Variants in SPAG16 observed in about 807,000 individuals in gnomAD.
SPAG16 encodes sperm associated antigen 16.
In SPAG16, 86 loss-of-function variants were observed where a neutral mutation model predicts 80.4. The observed-to-expected ratio is 1.07, with a 90% confidence interval of 0.90 to 1.28. SPAG16 has a LOEUF of 1.28. SPAG16 is among the 50% of genes most tolerant of loss of function. SPAG16 has a pLI of 0.00. For synonymous variants in SPAG16, 294 were observed against 265.9 expected, an observed-to-expected ratio of 1.11 and a Z score of -1.03; for missense variants, 870 against 765.3, an observed-to-expected ratio of 1.14 and a Z score of -1.61.
chr2:214,372,166 C>A (rs1312501703), intron 15 of SPAG16, among the ~76,000 whole-genome samples: 2 of 152,070 alleles, frequency 1.3e-5, no homozygotes, highest in Non-Finnish European at 2.9e-5. Context: ...ATTCTTTACA[C>A]AGGAGATTTG....
intron 15 of SPAG16, among the ~76,000 whole-genome samples, chr2:214,409,551 A>G (rs1249857107): frequency 6.6e-6 from 1 of 152,160 alleles, no homozygotes; most frequent in Non-Finnish European, 1.5e-5. Flanking sequence ...TCAAAATTTG[A>G]ATTCTAAGCT....
intron 10 of SPAG16, among the ~76,000 whole-genome samples, chr2:213,588,552 C>G (rs1406759804): frequency 4.0e-5 from 6 of 151,314 alleles, no homozygotes; most frequent in Non-Finnish European, 7.4e-5. Context: ...CCTGTAATCC[C>G]AGCACTTTGG....
intron 15 of SPAG16, among the ~76,000 whole-genome samples, chr2:214,253,264 T>G (rs565163201): frequency 6.6e-6 from 1 of 152,212 alleles, no homozygotes; most frequent in African/African-American, 2.4e-5. Context: ...GCCTGTTCAC[T>G]CCTATGATAG....
intron 10 of SPAG16, among the ~76,000 whole-genome samples, chr2:213,734,841 C>A (rs2067211390): frequency 6.6e-6 from 1 of 152,054 alleles, no homozygotes; most frequent in Admixed American, 6.6e-5. Flanking sequence ...CCAATAAATT[C>A]TGTAATTATA....
intron 10 of SPAG16, among the ~76,000 whole-genome samples, chr2:213,514,497 A>G (rs1017329330): frequency 2.2e-4 from 34 of 152,090 alleles, no homozygotes; most frequent in Non-Finnish European, 3.5e-4. Context: ...TTTAAGTTTT[A>G]GGGTACATGT....
chr2:213,419,168 T>G (rs2125428348), intron 9 of SPAG16, among the ~76,000 whole-genome samples: 1 of 143,158 alleles, frequency 7.0e-6, no homozygotes, highest in South Asian at 2.2e-4. Flanking sequence ...CCTAGTGCTA[T>G]TTTCTGTGTG....
At chr2:213,783,164 T>G (rs2070120110) in intron 10 of SPAG16, among the ~76,000 whole-genome samples, 1 of 150,832 alleles carries the variant, frequency 6.6e-6, no homozygotes, top group Non-Finnish European at 1.5e-5. Context: ...TTTTTGTTCT[T>G]GCGATAGTTT....
intron 10 of SPAG16, among the ~76,000 whole-genome samples, 188 bp from the exon 11 acceptor site, chr2:213,862,297 A>G (rs6710559): frequency 0.34 from 52,157 of 152,062 alleles, 9,420 homozygotes; most frequent in South Asian, 0.47. Context: ...ATTGATGGAG[A>G]TCAGAAAGCT....
intron 9 of SPAG16, among the ~76,000 whole-genome samples, chr2:213,443,632 T>A (rs909986626): frequency 5.9e-5 from 9 of 152,240 alleles, no homozygotes; most frequent in Admixed American, 4.6e-4. Flanking sequence ...GATATCTTTA[T>A]GAGGTGCTGA....
intron 12 of SPAG16, among the ~76,000 whole-genome samples, chr2:213,991,128 T>C (rs141158842): frequency 0.025 from 3,765 of 152,160 alleles, 151 homozygotes; most frequent in African/African-American, 0.086. Flanking sequence ...ACATTAGGTA[T>C]GTCTCCTAAT....
chr2:214,040,697 G>A (rs1209259476), intron 13 of SPAG16, among the ~76,000 whole-genome samples: 1 of 152,144 alleles, frequency 6.6e-6, no homozygotes, highest in Non-Finnish European at 1.5e-5. Context: ...CGTTTTGGAA[G>A]TCTGATGCCA....
At chr2:213,698,270 T>C (rs1055398754) in intron 10 of SPAG16, among the ~76,000 whole-genome samples, 2 of 152,126 alleles carry the variant, frequency 1.3e-5, no homozygotes, top group African/African-American at 4.8e-5. Context: ...ATGATGATTA[T>C]TATTATTTTG....
At chr2:214,248,354 T>G (rs1342811204) in intron 15 of SPAG16, among the ~76,000 whole-genome samples, 1 of 150,180 alleles carries the variant, frequency 6.7e-6, no homozygotes, top group East Asian at 1.9e-4. Flanking sequence ...AGTCTTGCTG[T>G]GTCGCCAGGC....
intron 12 of SPAG16, among the ~76,000 whole-genome samples, chr2:213,938,345 G>T (rs16851148): frequency 0.22 from 32,910 of 151,748 alleles, 4,530 homozygotes; most frequent in East Asian, 0.45. Context: ...GGTAAAAAAT[G>T]AAAATCACGT....
intron 10 of SPAG16, among the ~76,000 whole-genome samples, chr2:213,727,091 T>G (rs189096317): frequency 1.7e-3 from 253 of 152,322 alleles, no homozygotes; most frequent in African/African-American, 5.4e-3. Flanking sequence ...CAAGACATAA[T>G]GAATATACAT....
chr2:213,475,728 A>G (rs2073338386), intron 9 of SPAG16, among the ~76,000 whole-genome samples: 1 of 152,082 alleles, frequency 6.6e-6, no homozygotes, highest in Admixed American at 6.6e-5. Flanking sequence ...TTTTCTTTTT[A>G]GGGCTCCAAA....
chr2:213,770,218 T>C (rs2069166345), intron 10 of SPAG16, among the ~76,000 whole-genome samples: 1 of 152,196 alleles, frequency 6.6e-6, no homozygotes, highest in Non-Finnish European at 1.5e-5. Flanking sequence ...AACTTTCTTG[T>C]ACAAGGTTTT....
At chr2:213,348,948 A>G (rs899942675) in intron 6 of SPAG16, among the ~76,000 whole-genome samples, 1 of 152,156 alleles carries the variant, frequency 6.6e-6, no homozygotes, top group African/African-American at 2.4e-5. Flanking sequence ...TGTCACTAAA[A>G]TAGATCGTAT....
chr2:213,950,570 A>C (rs1023801538), intron 12 of SPAG16, among the ~76,000 whole-genome samples: 2 of 152,000 alleles, frequency 1.3e-5, no homozygotes, highest in African/African-American at 4.8e-5. Context: ...TTGTACTTTA[A>C]GATTATTTTA....
Sources: gnomAD v4.1 joint callset for allele counts (sites outside exome capture counted in the v4.1 genomes callset) on GRCh38, gnomAD v4.1.1 for gene constraint, MANE v1.5 for transcripts, NCBI Gene and HGNC (gene_info 2026-07-23, HGNC 2026-07-21) for gene names.